The following POLG2 variants were observed in gnomAD, a reference collection of about 807,000 sequenced individuals.
The protein encoded by POLG2 is DNA polymerase gamma 2, accessory subunit.
A neutral mutation model predicts 56.5 loss-of-function variants in POLG2; 50 were observed. That is an observed-to-expected ratio of 0.88 (90% CI 0.71 to 1.12). The LOEUF (loss-of-function observed/expected upper bound fraction) is 1.12. Among genes scored for constraint, POLG2 ranks in the 50% most tolerant of loss-of-function variants. The pLI is 0.00. For synonymous variants in POLG2, 226 were observed against 222.6 expected, an observed-to-expected ratio of 1.02 and a Z score of -0.14; for missense variants, 584 against 583.3, an observed-to-expected ratio of 1.00 and a Z score of -0.01.
intron 4 of POLG2, 84 bp downstream of exon 4, chr17:64,490,712 G>A (rs939612013): frequency 3.3e-5 from 35 of 1,058,028 alleles, no homozygotes; most frequent in South Asian, 8.9e-5. Flanking sequence ...AAGACACCAC[G>A]TTTGCACCTT....
intron 1 of POLG2, among the ~76,000 whole-genome samples, chr17:64,495,341 G>T (rs928528464): frequency 5.9e-5 from 9 of 152,020 alleles, no homozygotes; most frequent in Non-Finnish European, 8.8e-5. Context: ...GCACTTTGGG[G>T]GGCCAAGATG....
intron 5 of POLG2, among the ~76,000 whole-genome samples, chr17:64,484,415 G>A (rs927830281): frequency 1.6e-4 from 24 of 152,220 alleles, no homozygotes; most frequent in Non-Finnish European, 1.2e-4. Flanking sequence ...CAGTGCTGCT[G>A]GAGCAGACTG....
intron 5 of POLG2, chr17:64,485,188 TTTC>T (rs1244058453): frequency 1.3e-5 from 2 of 155,566 alleles, no homozygotes; most frequent in Non-Finnish European, 2.8e-5. Flanking sequence ...CCATTAATCA[TTTC>T]TTTTCTCTCC....
chr17:64,496,897 T>G lies in POLG2; in HGVS notation c.72A>C (p.Arg24=). ...CRCLLSGFGG[R]VDAGQPELLT... ...ACAGCTCCGGCTGCCCCGCATCTAC[T>G]CGACCCCCAAACCCAGACAACAGGC... The change falls in exon 1 of 8, where the codon CGA becomes CGC. Residue 24 remains arginine (R), a synonymous_variant. Transcript: ENST00000539111. 1.9e-6 allele frequency: 3 copies of G among 1,612,986 alleles called. No homozygotes were observed. The highest frequency in any genetic ancestry group is 2.5e-6 in the Non-Finnish European group (3 of 1,179,986).
At position 64,483,540 on chromosome 17, in the gene POLG2, G is replaced by A. The variant is rs1555666917; in HGVS notation, c.1111-541C>T. Among the ~76,000 whole-genome samples the A allele has an allele frequency of 4.7e-5, 7 of 149,442 alleles. No homozygotes were observed. The South Asian group carries it at 1.3e-3, about 27-fold the overall frequency. ...AAAAAAAAAAAAAACAAATTAACTT[G>A]AGACCCTCCCATTTTCTGACAACTC... On this transcript the variant is annotated intron_variant, in intron 5 of 7. Transcript: ENST00000539111.
chr17:64,481,350 G>A (rs1397580004), intron 6 of POLG2: 2 of 985,078 alleles, frequency 2.0e-6, no homozygotes, highest in Non-Finnish European at 2.4e-6. Context: ...AGAAAGCTGG[G>A]GGACTCTCAA....
chr17:64,490,887 A>G lies in POLG2; in HGVS notation c.878T>C (p.Phe293Ser). Residue 293 changes from phenylalanine (F) to serine (S), a missense_variant, in exon 4 of 8, where the codon TTT becomes TCT. Physicochemically the swap from Phe to Ser is radical, Grantham distance 155. Coordinates refer to ENST00000539111, the MANE Select transcript of POLG2 (RefSeq NM_007215.4). ...TTCTATTAACTCCTTTCCCCAGGGA[A>G]AATTGTAGTAAAGTTTGTTTCCTTT... ...GRKGNKLYYN[F>S]PWGKELIETL... is the part of the protein sequence containing the mutation. 1 of 1,613,782 alleles carries G rather than the reference A, an allele frequency of 6.2e-7. No homozygotes were observed. The highest frequency in any genetic ancestry group is 1.1e-5 in the South Asian group (1 of 91,078).
At chr17:64,493,800 T>C (rs1555669016) in intron 1 of POLG2, among the ~76,000 whole-genome samples, 1 of 152,200 alleles carries the variant, frequency 6.6e-6, no homozygotes, top group Non-Finnish European at 1.5e-5. Flanking sequence ...TTTTCAAATC[T>C]ATAAGAAAGT....
chr17:64,496,409 TGAA>T lies in POLG2; in HGVS notation c.557_559del (p.Leu186del), dbSNP rs2038152008. The T allele has an allele frequency of 1.9e-6, 3 of 1,568,142 alleles. No individual in the cohort carries two copies. Among genetic ancestry groups the T allele is most frequent in the Non-Finnish European group, 2.6e-6 (3 of 1,148,068 alleles). On this transcript the variant is annotated inframe_deletion, in exon 1 of 8. Transcript: ENST00000539111. ...AAGCATGAAATCGTGAAGCATACCG[TGAA>T]GAAGGTTCTCCCGTAGTTTCCCAGA...
intron 1 of POLG2, among the ~76,000 whole-genome samples, chr17:64,496,120 T>TA (rs1328593709): frequency 2.6e-5 from 4 of 152,238 alleles, no homozygotes; most frequent in African/African-American, 9.6e-5. Context: ...CTTATGCACT[T>TA]AGACTACATT....
Position 64,490,849 on chromosome 17 carries a change from G to A in POLG2, c.916C>T (p.Leu306=). Residue 306 remains leucine (L), a synonymous_variant, in exon 4 of 8, where the codon CTA becomes TTA. Coordinates refer to ENST00000539111, the MANE Select transcript of POLG2 (RefSeq NM_007215.4). ...GKELIETLWN[L]GDHELLHMYP... ...ATGTGTAAAAGTTCGTGATCTCCTA[G>A]GTTCCACAGGGTTTCTATTAACTCC... 1.2e-6 allele frequency: 2 copies of A among 1,613,524 alleles called. No individual in the cohort carries two copies. Among genetic ancestry groups the A allele is most frequent in the Non-Finnish European group, 8.5e-7 (1 of 1,179,490 alleles).
Position 64,482,862 on chromosome 17 carries a change from G to A in POLG2, c.1191+57C>T, listed in dbSNP as rs149817932. The A allele has an allele frequency of 5.4e-5, 54 of 1,009,120 alleles. No homozygotes were observed. The African/African-American group carries it at 6.7e-4, about 13-fold the overall frequency. The allele number at this position is 1,009,120 out of a possible 1,614,324, so 62.5% of individuals were successfully genotyped here. On this transcript the variant is annotated intron_variant, in intron 6 of 7. Transcript: ENST00000539111. ...ATCCAAAATGGTCCTGGTCCAAAGCGTTTTTGGATAATACTCAATCTGTAA... is the reference window on the plus strand; with the variant it reads ...ATCCAAAATGGTCCTGGTCCAAAGCATTTTTGGATAATACTCAATCTGTAA...
At chr17:64,492,273 T>C (rs189480046) in intron 3 of POLG2, among the ~76,000 whole-genome samples, 1,566 of 151,604 alleles carry the variant, frequency 0.01, 23 homozygotes, top group African/African-American at 0.036. Flanking sequence ...ACTTCAACTC[T>C]TTTTTTTTCA....
chr17:64,488,342 C>A (rs982499130), intron 4 of POLG2, among the ~76,000 whole-genome samples: 4 of 152,022 alleles, frequency 2.6e-5, no homozygotes, highest in African/African-American at 9.7e-5. Context: ...AGAAAAGGAA[C>A]AATGTCATGG....
chr17:64,491,464 T>C, intron 3 of POLG2: 1 of 1,035,182 alleles, frequency 9.7e-7, no homozygotes, highest in East Asian at 2.5e-5. Context: ...GAGCTGTGAT[T>C]GTGCAACGGC....
intron 5 of POLG2, 113 bp downstream of exon 5, chr17:64,485,615 T>C: frequency 5.8e-6 from 5 of 864,914 alleles, no homozygotes; most frequent in South Asian, 2.8e-5. Context: ...TTAGACTACA[T>C]GCACTAAATT....
chr17:64,479,073 C>A (rs1238754767), intron 7 of POLG2, among the ~76,000 whole-genome samples: 1 of 152,004 alleles, frequency 6.6e-6, no homozygotes, highest in East Asian at 1.9e-4. Context: ...GAATTGAGAA[C>A]CTGAGAGGAC....
In POLG2 at chr17:64,485,887, G is replaced by A; in HGVS notation, c.970-19C>T. On this transcript the variant is annotated intron_variant, in intron 4 of 7. Coordinates refer to ENST00000539111, the MANE Select transcript of POLG2 (RefSeq NM_007215.4). ...CTCGGCCCTTCACAGAAAAACAGAA[G>A]AAAAATAATCATTTCACAGAACTTT... is the stretch of plus-strand genomic sequence containing the variant. 1 of 1,613,190 alleles carries A rather than the reference G, an allele frequency of 6.2e-7. No individual in the cohort carries two copies. Among genetic ancestry groups the A allele is most frequent in the Non-Finnish European group, 8.5e-7 (1 of 1,179,214 alleles).
chr17:64,489,119 T>C (rs1255986012), intron 4 of POLG2, among the ~76,000 whole-genome samples: 1 of 149,430 alleles, frequency 6.7e-6, no homozygotes, highest in Non-Finnish European at 1.5e-5. Flanking sequence ...CCTGGAACAA[T>C]ATATTGCTAC....
Sources: allele counts gnomAD v4.1 joint callset (sites outside exome capture counted in the v4.1 genomes callset), GRCh38; gene constraint gnomAD v4.1.1; transcripts MANE v1.5; gene names NCBI Gene and HGNC (gene_info 2026-07-23, HGNC 2026-07-21).